The following NDUFS2 variants were observed in gnomAD, a reference collection of about 807,000 sequenced individuals.
NDUFS2 encodes the protein NADH dehydrogenase [ubiquinone] iron-sulfur protein 2, mitochondrial.
NDUFS2 carries 38 observed loss-of-function variants against 69.6 expected under a neutral mutation model. The observed-to-expected ratio is 0.55, with a 90% CI of 0.42 to 0.72. The LOEUF (loss-of-function observed/expected upper bound fraction) is 0.72. Ranked by LOEUF, NDUFS2 falls within the 30% of genes least tolerant of loss-of-function variation. The probability of loss-of-function intolerance (pLI) is 0.00; values close to 1 mark genes in which losing one functional copy is unlikely to be tolerated. For missense variants in NDUFS2, 468 were observed against 595.0 expected (o/e 0.79, Z 2.22); for synonymous variants, 194 against 211.2 (o/e 0.92, Z 0.70).
intron 13 of NDUFS2, 91 bp downstream of exon 13, chr1:161,214,012 T>C (rs1475996722): frequency 1.4e-5 from 22 of 1,613,698 alleles, no homozygotes; most frequent in Non-Finnish European, 1.6e-5. Context: ...CTGTTCACCA[T>C]AGGCCATGGC....
Position 161,209,888 on chromosome 1 carries a change from C to T in NDUFS2, c.659C>T (p.Ala220Val). 1.9e-6 allele frequency: 3 copies of T among 1,614,012 alleles called. No individual in the cohort carries two copies. Among genetic ancestry groups the T allele is most frequent in the Non-Finnish European group, 2.5e-6 (3 of 1,180,012 alleles). ...MFEFYERVSG[A>V]RMHAAYIRPG... ...GAGTTCTACGAGCGAGTGTCTGGAG[C>T]CCGAATGCATGCTGCTTATATCCGG... Residue 220 changes from alanine to valine, a missense_variant, in exon 6 of 14, where the codon GCC becomes GTC. Physicochemically the swap from Ala to Val is moderately conservative, Grantham distance 64. Around this residue, in one of 3 missense-constraint regions of NDUFS2, gnomAD observed 339 missense variants for 433.8 expected, o/e 0.78. Transcript: ENST00000676972.
chr1:161,202,901 G>A (rs1166215258), intron 1 of NDUFS2, among the ~76,000 whole-genome samples: 1 of 152,216 alleles, frequency 6.6e-6, no homozygotes, highest in Non-Finnish European at 1.5e-5. Flanking sequence ...GCCCAGGGGT[G>A]ATGGGTGGAG....
chr1:161,214,304 T>TGTGTGTGTG lies in NDUFS2; in HGVS notation c.*111_*112insGTGTGTGTG, dbSNP rs1279873524. 1.9e-6 allele frequency: 2 copies of TGTGTGTGTG among 1,033,392 alleles called. No homozygotes were observed. The highest frequency in any genetic ancestry group is 3.0e-6 in the Non-Finnish European group (2 of 668,168). 64.0% of individuals were successfully genotyped at this position (1,033,392 alleles called of 1,614,324 possible). On this transcript the variant is annotated 3_prime_UTR_variant, in exon 14 of 14. Transcript: ENST00000676972. ...GTGTGTGTGTGTGTGTGTGTGTATG[T>TGTGTGTGTG]TCATGTACACTTGGCTGTCAGGCTT...
At chr1:161,203,570 C>A (rs1252117953) in intron 2 of NDUFS2, 27 bp downstream of exon 2, 14 of 1,552,210 alleles carry the variant, frequency 9.0e-6, no homozygotes, top group African/African-American at 1.4e-5. Context: ...GCTGTCCCAA[C>A]CCACACCCAT....
upstream of NDUFS2, among the ~76,000 whole-genome samples, chr1:161,200,680 T>G (rs1424183665): frequency 6.6e-6 from 1 of 152,078 alleles, no homozygotes; most frequent in Non-Finnish European, 1.5e-5. Flanking sequence ...CTGACCCTGG[T>G]TCTAAGCCAA....
Position 161,214,154 on chromosome 1 carries a change from A to G in NDUFS2, c.1355-2A>G. 1 of 1,614,006 alleles carries G rather than the reference A, an allele frequency of 6.2e-7. No homozygotes were observed. The highest frequency in any genetic ancestry group is 8.5e-7 in the Non-Finnish European group (1 of 1,179,954). On this transcript the variant is annotated splice_acceptor_variant, in intron 13 of 13. Coordinates refer to ENST00000676972, the MANE Select transcript of NDUFS2 (RefSeq NM_001377299.1). LOFTEE classifies it high-confidence loss of function. ...ACTTTTTTCCTCCATCCTCTCACCT[A>G]GGTACCCAAGATATTGTATTTGGAG...
rs748168173 is a variant in NDUFS2 at position 161,209,163 on chromosome 1, G to C, written c.394-30G>C. 1.9e-5 allele frequency: 31 copies of C among 1,614,032 alleles called. No homozygotes were observed. The East Asian group carries it at 6.0e-4, about 31-fold the overall frequency. ...AGACTGTGGGCTCCTGAGCCTGTTA[G>C]ATGTGACCCACATTCCTCCCTCTTC... On this transcript the variant is annotated intron_variant, in intron 3 of 13. Transcript: ENST00000676972.
chr1:161,202,251 C>T, upstream of NDUFS2: 3 of 823,528 alleles, frequency 3.6e-6, no homozygotes, highest in Non-Finnish European at 6.0e-6. Context: ...CGGATGTTGT[C>T]AGTTCGACGG....
chr1:161,200,362 G>T (rs1665061142), upstream of NDUFS2, among the ~76,000 whole-genome samples: 2 of 152,078 alleles, frequency 1.3e-5, no homozygotes, highest in South Asian at 2.1e-4. Context: ...GCAAGGAAGG[G>T]TTCAGAAGTA....
chr1:161,213,869 T>G lies in NDUFS2; in HGVS notation c.1302T>G (p.Gly434=). 6.2e-7 allele frequency: 1 copy of G among 1,614,170 alleles called. No homozygotes were observed. Among genetic ancestry groups the G allele is most frequent in the Non-Finnish European group, 8.5e-7 (1 of 1,180,018 alleles). Residue 434 remains glycine, a synonymous_variant, in exon 13 of 14, where the codon GGT becomes GGG. Transcript: ENST00000676972. ...TGCCATCTCAATCTCCCTAGGCTGG[T>G]TTGGACAAGATGTCTAAGGGACACA... ...IKAPGFAHLA[G]LDKMSKGHML... is the part of the protein sequence containing the mutation.
At chr1:161,205,694 G>C (rs945236328) in intron 2 of NDUFS2, among the ~76,000 whole-genome samples, 1 of 151,664 alleles carries the variant, frequency 6.6e-6, no homozygotes, top group East Asian at 1.9e-4. Flanking sequence ...CTTGAACCTG[G>C]CAGGCAGACA....
Position 161,213,449 on chromosome 1 carries a change from A to T in NDUFS2, c.1186A>T (p.Thr396Ser). ...GGGCTACCAAGTTCCTCCAGGAGCC[A>T]CATATACTGCCATTGAGGCTCCCAA... ...TEGYQVPPGATYTAIEAPKGE... is the reference protein window; with the variant it reads ...TEGYQVPPGASYTAIEAPKGE... Residue 396 changes from threonine (T) to serine (S), a missense_variant, in exon 11 of 14, where the codon ACA becomes TCA. Thr to Ser is a moderately conservative substitution (Grantham distance 58, BLOSUM62 1). Around this residue, in one of 3 missense-constraint regions of NDUFS2, gnomAD observed 72 missense variants for 118.9 expected, o/e 0.61. Transcript: ENST00000676972. 1 of 1,610,848 alleles carries T rather than the reference A, an allele frequency of 6.2e-7. No homozygotes were observed. The highest frequency in any genetic ancestry group is 1.1e-5 in the South Asian group (1 of 90,540).
At chr1:161,203,671 C>T in intron 2 of NDUFS2, 128 bp downstream of exon 2, 6 of 817,218 alleles carry the variant, frequency 7.3e-6, no homozygotes, top group Non-Finnish European at 1.2e-5. Flanking sequence ...AAGTGGCTCA[C>T]TGTAGCCTTG....
upstream of NDUFS2, chr1:161,198,122 G>A (rs141956302): frequency 6.2e-7 from 1 of 1,614,008 alleles, no homozygotes; most frequent in Non-Finnish European, 8.5e-7. The surrounding 1 kb of genome is among the most constrained non-coding windows in gnomAD (Gnocchi z 4.7). Flanking sequence ...AGAGTTAGGG[G>A]TGCCTCCCTC....
upstream of NDUFS2, chr1:161,198,355 C>T (rs201726247): frequency 9.9e-6 from 16 of 1,613,178 alleles, no homozygotes; most frequent in African/African-American, 2.7e-5. The surrounding 1 kb of genome is among the most constrained non-coding windows in gnomAD (Gnocchi z 4.7). Context: ...CTAGTAGCAG[C>T]GTCTCCCCAA....
At chr1:161,201,746 C>T (rs1338332783), upstream of NDUFS2, among the ~76,000 whole-genome samples, 1 of 152,184 alleles carries the variant, frequency 6.6e-6, no homozygotes, top group Non-Finnish European at 1.5e-5. Flanking sequence ...GATGAGGTGG[C>T]TCCTACACAC....
upstream of NDUFS2, chr1:161,198,065 C>T (rs1313193667): frequency 6.2e-7 from 1 of 1,609,484 alleles, no homozygotes; most frequent in African/African-American, 1.3e-5. This position sits in a 1 kb window ranked among gnomAD's most constrained non-coding sequence, Gnocchi z 4.7. Context: ...ACCTTGACCG[C>T]TGGCAGGACT....
At chr1:161,198,646 G>A, upstream of NDUFS2, 1 of 1,484,728 alleles carries the variant, frequency 6.7e-7, no homozygotes, top group Non-Finnish European at 9.0e-7. This position sits in a 1 kb window ranked among gnomAD's most constrained non-coding sequence, Gnocchi z 4.7. Flanking sequence ...TACTGCAGCT[G>A]GGAGGGACTG....
At chr1:161,200,068 A>G (rs1345510007), upstream of NDUFS2, among the ~76,000 whole-genome samples, 2 of 152,056 alleles carry the variant, frequency 1.3e-5, no homozygotes, top group Non-Finnish European at 2.9e-5. Context: ...TCAATCTGGG[A>G]GAATCCCCAC....
Sources: gnomAD v4.1 joint callset for allele counts (sites outside exome capture counted in the v4.1 genomes callset) on GRCh38, gnomAD v4.1.1 for gene constraint, gnomAD v4.1.1 regional missense constraint, Gnocchi (gnomAD v3.1) non-coding constraint, MANE v1.5 for transcripts, NCBI Gene and HGNC (gene_info 2026-07-23, HGNC 2026-07-21) for gene names.